Variants in HS6ST3 observed in about 807,000 individuals in gnomAD.
The protein encoded by HS6ST3 is heparan sulfate 6-O-sulfotransferase 3, also known as heparan-sulfate 6-O-sulfotransferase 3.
HS6ST3 carries 12 observed loss-of-function variants against 36.7 expected under a neutral mutation model. The ratio of observed to expected loss-of-function variants is 0.33; its 90% confidence interval spans 0.21 to 0.53. The LOEUF is 0.53. HS6ST3 is among the 20% of genes least tolerant of loss of function. HS6ST3 has a pLI of 0.95. For synonymous variants in HS6ST3, 240 were observed against 257.5 expected (o/e 0.93, Z 0.65); for missense variants, 584 against 640.9 (o/e 0.91, Z 0.96).
chr13:96,624,211 A>G (rs2056504496), intron 1 of HS6ST3, among the ~76,000 whole-genome samples: 2 of 152,178 alleles, frequency 1.3e-5, no homozygotes, highest in Admixed American at 6.5e-5. Context: ...TCTGTATGCC[A>G]TTACGGCTTA....
intron 1 of HS6ST3, among the ~76,000 whole-genome samples, chr13:96,679,304 A>G (rs1436356622): frequency 6.6e-6 from 1 of 151,664 alleles, no homozygotes; most frequent in Middle Eastern, 3.2e-3. Flanking sequence ...TGTCTGAGCT[A>G]ATTAATTAAC....
chr13:96,421,054 G>A (rs1457868856), intron 1 of HS6ST3, among the ~76,000 whole-genome samples: 8 of 152,150 alleles, frequency 5.3e-5, no homozygotes, highest in African/African-American at 1.9e-4. Flanking sequence ...TGACCAATAT[G>A]AGACCCCAGT....
intron 1 of HS6ST3, among the ~76,000 whole-genome samples, chr13:96,466,111 T>C (rs1594786203): frequency 6.6e-6 from 1 of 151,842 alleles, no homozygotes; most frequent in East Asian, 1.9e-4. Flanking sequence ...CGAAACCCTG[T>C]CTCTACTAAA....
chr13:96,464,913 T>A (rs1418304331), intron 1 of HS6ST3, among the ~76,000 whole-genome samples: 1 of 151,862 alleles, frequency 6.6e-6, no homozygotes, highest in African/African-American at 2.4e-5. Flanking sequence ...GTGTCCATAG[T>A]AAGTGCATTA....
chr13:96,515,968 A>G (rs909224412), intron 1 of HS6ST3, among the ~76,000 whole-genome samples: 2 of 152,134 alleles, frequency 1.3e-5, no homozygotes, highest in Admixed American at 1.3e-4. Context: ...AATTCTGTGC[A>G]GAGTTCCATT....
At chr13:96,313,092 A>G (rs2054950075) in intron 1 of HS6ST3, among the ~76,000 whole-genome samples, 1 of 151,888 alleles carries the variant, frequency 6.6e-6, no homozygotes, top group African/African-American at 2.4e-5. Flanking sequence ...TAGTGGTATC[A>G]TCTTCCTTTT....
At chr13:96,361,195 A>C (rs1008534790) in intron 1 of HS6ST3, among the ~76,000 whole-genome samples, 1 of 152,168 alleles carries the variant, frequency 6.6e-6, no homozygotes, top group Non-Finnish European at 1.5e-5. Flanking sequence ...ACACGGGCAC[A>C]CTTTTATCCC....
At chr13:96,624,149 G>A (rs1367581966) in intron 1 of HS6ST3, among the ~76,000 whole-genome samples, 1 of 152,114 alleles carries the variant, frequency 6.6e-6, no homozygotes, top group African/African-American at 2.4e-5. Flanking sequence ...ATATATACAT[G>A]TACAGGTGTG....
At chr13:96,120,227 TTGCAGAGGGGC>T (rs1195170593) in intron 1 of HS6ST3, among the ~76,000 whole-genome samples, 2 of 152,200 alleles carry the variant, frequency 1.3e-5, no homozygotes, top group Non-Finnish European at 2.9e-5. Context: ...TCCCTGCAGG[TTGCAGAGGGGC>T]TGGGGCCCTG....
chr13:96,422,631 A>G (rs1049886559), intron 1 of HS6ST3, among the ~76,000 whole-genome samples: 2 of 152,170 alleles, frequency 1.3e-5, no homozygotes, highest in Non-Finnish European at 2.9e-5. Context: ...TGATGACTTC[A>G]TGTCATGTGA....
intron 1 of HS6ST3, among the ~76,000 whole-genome samples, chr13:96,354,957 A>C (rs11618434): frequency 0.027 from 4,076 of 152,286 alleles, 63 homozygotes; most frequent in East Asian, 0.055. Flanking sequence ...GAAAATATCA[A>C]AATCCACTTA....
chr13:96,643,386 C>A (rs926209156), intron 1 of HS6ST3, among the ~76,000 whole-genome samples: 1 of 151,916 alleles, frequency 6.6e-6, no homozygotes, highest in Non-Finnish European at 1.5e-5. Flanking sequence ...TATATGCACA[C>A]CCCTACACAT....
chr13:96,592,758 C>G (rs2056387254), intron 1 of HS6ST3, among the ~76,000 whole-genome samples: 2 of 152,086 alleles, frequency 1.3e-5, no homozygotes, highest in Admixed American at 1.3e-4. Flanking sequence ...TGTCACGCCA[C>G]TCTTTCCTGG....
intron 1 of HS6ST3, among the ~76,000 whole-genome samples, chr13:96,781,213 G>A (rs1213266312): frequency 3.3e-5 from 5 of 152,128 alleles, no homozygotes. Context: ...CATGTTAGCT[G>A]CCAAGCTAAA....
intron 1 of HS6ST3, among the ~76,000 whole-genome samples, chr13:96,650,477 G>C (rs940016458): frequency 2.0e-4 from 30 of 151,872 alleles, no homozygotes; most frequent in Non-Finnish European, 2.9e-5. Context: ...CAAGGAATAA[G>C]GTACATTCTG....
intron 1 of HS6ST3, among the ~76,000 whole-genome samples, chr13:96,595,918 T>G (rs910825336): frequency 6.6e-6 from 1 of 152,166 alleles, no homozygotes; most frequent in Non-Finnish European, 1.5e-5. Flanking sequence ...TCTTATCATT[T>G]ATTGTTTCCC....
intron 1 of HS6ST3, among the ~76,000 whole-genome samples, chr13:96,747,357 T>C (rs1211314211): frequency 1.3e-5 from 2 of 152,180 alleles, no homozygotes; most frequent in African/African-American, 2.4e-5. Flanking sequence ...ATGGTTTTCC[T>C]TTTTATCTAT....
intron 1 of HS6ST3, among the ~76,000 whole-genome samples, chr13:96,298,107 C>G (rs2054864022): frequency 6.6e-6 from 1 of 152,048 alleles, no homozygotes; most frequent in Non-Finnish European, 1.5e-5. Flanking sequence ...CTTACTTTAA[C>G]TGGTTAGATA....
intron 1 of HS6ST3, among the ~76,000 whole-genome samples, chr13:96,731,022 C>T (rs1876137855): frequency 2.0e-5 from 3 of 152,162 alleles, no homozygotes; most frequent in Admixed American, 2.0e-4. Flanking sequence ...GAAGTATATA[C>T]ACTGTGGAAT....
Sources: allele counts gnomAD v4.1 joint callset (sites outside exome capture counted in the v4.1 genomes callset), GRCh38; gene constraint gnomAD v4.1.1; transcripts MANE v1.5; gene names NCBI Gene and HGNC (gene_info 2026-07-23, HGNC 2026-07-21).